The following CFLAR variants were observed in gnomAD, a reference collection of about 807,000 sequenced individuals.
CFLAR encodes CASP8 and FADD-like apoptosis regulator.
A neutral mutation model predicts 51.1 loss-of-function variants in CFLAR; 14 were observed. That is an observed-to-expected ratio of 0.27 (90% CI 0.18 to 0.43). The LOEUF (loss-of-function observed/expected upper bound fraction) is 0.43, where lower values mean the gene tolerates loss of function less well. Among genes scored for constraint, CFLAR ranks in the 20% least tolerant of loss-of-function variants. The pLI, the probability that CFLAR is intolerant of heterozygous loss-of-function variation, is 1.00. For missense variants in CFLAR, 390 were observed against 566.5 expected (o/e 0.69, Z 3.16); for synonymous variants, 210 against 211.6 (o/e 0.99, Z 0.06).
At chr2:201,123,517 GAAAT>G (rs2048386864) in intron 1 of CFLAR, among the ~76,000 whole-genome samples, 2 of 152,068 alleles carry the variant, frequency 1.3e-5, no homozygotes, top group East Asian at 3.9e-4. Context: ...GGCAAAAAGA[GAAAT>G]AAACTCCCTT....
Position 201,145,407 on chromosome 2 carries a change from A to T in CFLAR, c.636A>T (p.Arg212Ser). Residue 212 changes from arginine (R) to serine (S), a missense_variant, in exon 6 of 10, where the codon AGA (arginine) becomes AGT (serine). Arg to Ser is a moderately radical substitution (Grantham distance 110). Coordinates refer to ENST00000309955, the MANE Select transcript of CFLAR (RefSeq NM_003879.7). ...RLHNGRSKEQ[R>S]LKEQLGAQQE... ...ATAATGGGAGAAGTAAAGAACAAAG[A>T]CTTAAGGAACAGCTTGGCGCTCAAC... 1 of 1,607,948 alleles carries T rather than the reference A, an allele frequency of 6.2e-7. No individual in the cohort carries two copies. Among genetic ancestry groups the T allele is most frequent in the Non-Finnish European group, 8.5e-7 (1 of 1,174,970 alleles).
In CFLAR at chr2:201,152,287, C is replaced by T. The variant is rs78481969; in HGVS notation, c.793+2452C>T. 8.5e-5 allele frequency among the ~76,000 whole-genome samples: 13 copies of T among 152,198 alleles called. No homozygotes were observed. In the East Asian group the frequency reaches 9.7e-4, roughly 11 times the overall value. On this transcript the variant is annotated intron_variant, in intron 8 of 9. Coordinates refer to ENST00000309955, the MANE Select transcript of CFLAR (RefSeq NM_003879.7). Reference sequence around the variant, plus strand: ...CTGGGATTACAGGCATGAGCCACCACGCTCGGCTTCTAATTTTTTTTAATT... The same window carrying T: ...CTGGGATTACAGGCATGAGCCACCATGCTCGGCTTCTAATTTTTTTTAATT...
At chr2:201,128,329 T>C (rs182801589) in intron 1 of CFLAR, among the ~76,000 whole-genome samples, 1 of 152,298 alleles carries the variant, frequency 6.6e-6, no homozygotes, top group Admixed American at 6.5e-5. Flanking sequence ...GTATTTATCT[T>C]TCTGATAAAA....
Position 201,149,123 on chromosome 2 carries a change from AC to A in CFLAR, c.711+73del. Reference sequence around the variant, plus strand: ...GGATAACCCTGACTTCTTTAAAAATACCTGTCCATTAAGAATTCTTTGAGAC... The same window carrying A: ...GGATAACCCTGACTTCTTTAAAAATACTGTCCATTAAGAATTCTTTGAGAC... On this transcript the variant is annotated intron_variant, in intron 7 of 9. Transcript: ENST00000309955. 3.0e-6 allele frequency: 3 copies of A among 1,005,970 alleles called. No individual in the cohort carries two copies. In the Admixed American group the frequency reaches 5.4e-5, roughly 18 times the overall value. 62.3% of individuals were successfully genotyped at this position (1,005,970 alleles called of 1,614,324 possible).
intron 6 of CFLAR, chr2:201,146,236 T>A (rs1044420808): frequency 1.3e-5 from 2 of 152,292 alleles, no homozygotes; most frequent in African/African-American, 4.8e-5. Context: ...AACCTCCGCC[T>A]CCTGGGTTCA....
At chr2:201,141,184 C>A (rs570287444) in intron 5 of CFLAR, among the ~76,000 whole-genome samples, 1 of 152,034 alleles carries the variant, frequency 6.6e-6, no homozygotes, top group Non-Finnish European at 1.5e-5. Context: ...GTAGCCAAAT[C>A]GCGCCATTGT....
chr2:201,165,296 A>T lies in CFLAR; in HGVS notation c.*1323A>T, dbSNP rs555279139. 6.2e-4 allele frequency: 92 copies of T among 149,062 alleles called. No individual in the cohort carries two copies. The highest frequency in any genetic ancestry group is 2.2e-3 in the African/African-American group (89 of 40,744). The allele number at this position is 149,062 out of a possible 1,614,324, so 9.2% of individuals were successfully genotyped here. A position where few individuals can be genotyped will look rare whatever the true frequency, so the allele number is the denominator to read the frequency against. Reference sequence around the variant, plus strand: ...ATTATTATTATTATTATTGAGACAGAGTTTCATTCTGCTGCCCAGGCTGGA... The same window carrying T: ...ATTATTATTATTATTATTGAGACAGTGTTTCATTCTGCTGCCCAGGCTGGA... On this transcript the variant is annotated 3_prime_UTR_variant, in exon 10 of 10. Transcript: ENST00000309955.
intron 5 of CFLAR, among the ~76,000 whole-genome samples, chr2:201,140,952 C>G (rs371291959): frequency 1.3e-5 from 2 of 151,778 alleles, no homozygotes; most frequent in Non-Finnish European, 2.9e-5. Context: ...TTTTTTTGCC[C>G]GGGTGCGGTG....
Position 201,129,859 on chromosome 2 carries a change from G to C in CFLAR, c.-7G>C, listed in dbSNP as rs1454455801. On this transcript the variant is annotated 5_prime_UTR_variant, in exon 2 of 10. Transcript: ENST00000309955. ...ACCCTTGTGAGCTTCCCTAGTCTAA[G>C]AGTAGGATGTCTGCTGAAGTCATCC... 1.9e-6 allele frequency: 3 copies of C among 1,613,630 alleles called. No individual in the cohort carries two copies. The highest frequency in any genetic ancestry group is 1.1e-5 in the South Asian group (1 of 91,056).
At position 201,138,655 on chromosome 2, in the gene CFLAR, TC is replaced by T; in HGVS notation, c.524-1701del. Reference sequence around the variant, plus strand: ...GGGATGCCAGAGAAGCCATGACGCATCTTGGCCTCCAACACATCACCCACAG... The same window carrying T: ...GGGATGCCAGAGAAGCCATGACGCATTTGGCCTCCAACACATCACCCACAG... On this transcript the variant is annotated intron_variant, in intron 4 of 9. Transcript: ENST00000309955. The surrounding 1 kb of genome is among the most constrained non-coding windows in gnomAD (Gnocchi z 4.0). 1 of 1,178,962 alleles carries T rather than the reference TC, an allele frequency of 8.5e-7. No individual in the cohort carries two copies. Among genetic ancestry groups the T allele is most frequent in the Non-Finnish European group, 1.3e-6 (1 of 797,492 alleles). 73.0% of individuals were successfully genotyped at this position (1,178,962 alleles called of 1,614,324 possible).
rs532962219 is a variant in CFLAR at position 201,137,049 on chromosome 2, T to G, written c.523+942T>G. On this transcript the variant is annotated intron_variant, in intron 4 of 9. Transcript: ENST00000309955. The stretch of plus-strand genomic sequence containing the variant: ...AGAGCTGGGGAAGGGGGCAGAGACC[T>G]CCCCTTGGCCTAGGTCTGGAGCTCA... 23 of 175,794 alleles carry G rather than the reference T, an allele frequency of 1.3e-4. No individual in the cohort carries two copies. In the East Asian group the frequency reaches 3.1e-3, roughly 24 times the overall value. 10.9% of individuals were successfully genotyped at this position (175,794 alleles called of 1,614,324 possible).
intron 2 of CFLAR, among the ~76,000 whole-genome samples, chr2:201,130,566 A>T (rs575069307): frequency 2.0e-5 from 3 of 151,570 alleles, no homozygotes; most frequent in African/African-American, 7.3e-5. Context: ...GGGTTTCACC[A>T]TGTTGGCCAG....
chr2:201,162,898 TC>T, intron 9 of CFLAR: 1 of 633,392 alleles, frequency 1.6e-6, no homozygotes, highest in Admixed American at 2.3e-5. Flanking sequence ...ATTTACTTGA[TC>T]AATCTTCAGT....
Position 201,160,900 on chromosome 2 carries a change from C to G in CFLAR, c.1262C>G (p.Ser421Cys). Residue 421 changes from serine to cysteine, a missense_variant, in exon 9 of 10, where the codon TCC (serine) becomes TGC (cysteine). Coordinates refer to ENST00000309955, the MANE Select transcript of CFLAR (RefSeq NM_003879.7). ...CTGGAGCAGTCTCACAGCTCACCAT[C>G]CCTGTACCTGCAGTGCCTCTCCCAG... ...SLLEQSHSSP[S>C]LYLQCLSQKL... is the part of the protein sequence containing the mutation. 1 of 1,612,896 alleles carries G rather than the reference C, an allele frequency of 6.2e-7. No individual in the cohort carries two copies.
At chr2:201,144,093 CCTCT>C (rs1195786706) in intron 5 of CFLAR, 1 of 152,192 alleles carries the variant, frequency 6.6e-6, no homozygotes, top group Non-Finnish European at 1.5e-5. Flanking sequence ...ATATGATCAG[CCTCT>C]GGCTAAGTTA....
At chr2:201,157,508 TG>T (rs1942376228) in intron 8 of CFLAR, among the ~76,000 whole-genome samples, 2 of 152,016 alleles carry the variant, frequency 1.3e-5, no homozygotes, top group African/African-American at 4.8e-5. Flanking sequence ...TGAGTAGCTG[TG>T]ATGACTACAG....
At position 201,126,108 on chromosome 2, in the gene CFLAR, C is replaced by G. The variant is rs7574327; in HGVS notation, c.-137-3621C>G. Reference sequence around the variant, plus strand: ...ATTAAGAGTCCGTTTATTTAGCCGGCGGCCAAGAGACAGCTAACGCTCAAA... The same window carrying G: ...ATTAAGAGTCCGTTTATTTAGCCGGGGGCCAAGAGACAGCTAACGCTCAAA... On this transcript the variant is annotated intron_variant, in intron 1 of 9. Coordinates refer to ENST00000309955, the MANE Select transcript of CFLAR (RefSeq NM_003879.7). Among the ~76,000 whole-genome samples the G allele has an allele frequency of 1.9e-3, 294 of 152,118 alleles. 3 individuals carry two copies. Among genetic ancestry groups the G allele is most frequent in the African/African-American group, 6.9e-3 (286 of 41,492 alleles).
intron 2 of CFLAR, among the ~76,000 whole-genome samples, chr2:201,131,318 C>T (rs546671819): frequency 1.3e-5 from 2 of 152,040 alleles, no homozygotes; most frequent in East Asian, 3.9e-4. Context: ...CTCACTGTAA[C>T]CTCTGCTTCT....
chr2:201,159,301 A>G (rs1445100266), intron 8 of CFLAR, among the ~76,000 whole-genome samples: 3 of 150,976 alleles, frequency 2.0e-5, no homozygotes, highest in Non-Finnish European at 4.4e-5. Flanking sequence ...TCATTCTTAC[A>G]TGATATAATA....
Sources: gnomAD v4.1 joint callset for allele counts (sites outside exome capture counted in the v4.1 genomes callset) on GRCh38, gnomAD v4.1.1 for gene constraint, Gnocchi (gnomAD v3.1) non-coding constraint, MANE v1.5 for transcripts, NCBI Gene and HGNC (gene_info 2026-07-23, HGNC 2026-07-21) for gene names.